CLSTN2: variants seen among roughly 807,000 people sequenced by gnomAD.
The protein encoded by CLSTN2 is calsyntenin 2, also known as calsyntenin-2.
A neutral mutation model predicts 101.2 loss-of-function variants in CLSTN2; 48 were observed. That is an observed-to-expected ratio of 0.47 (90% CI 0.38 to 0.60). The LOEUF is 0.60. Ranked by LOEUF, CLSTN2 falls within the 20% of genes least tolerant of loss-of-function variation. CLSTN2 has a pLI of 0.00. For missense variants in CLSTN2, 1,160 were observed against 1,238.2 expected (o/e 0.94, Z 0.95); for synonymous variants, 481 against 463.6 (o/e 1.04, Z -0.48).
chr3:140,015,828 C>T (rs2007189257), intron 1 of CLSTN2, among the ~76,000 whole-genome samples: 1 of 152,268 alleles, frequency 6.6e-6, no homozygotes, highest in East Asian at 1.9e-4. Context: ...CCGGAAAAAG[C>T]AGGCTGTCAG....
intron 8 of CLSTN2, among the ~76,000 whole-genome samples, chr3:140,467,184 C>T (rs760868574): frequency 3.3e-5 from 5 of 152,200 alleles, no homozygotes; most frequent in Non-Finnish European, 7.3e-5. Context: ...GCACCTTAGG[C>T]AGTGCATGCT....
chr3:140,563,222 G>C lies in CLSTN2; in HGVS notation c.2482+19G>C, dbSNP rs759016419. On this transcript the variant is annotated intron_variant, in intron 15 of 16. Coordinates refer to ENST00000458420, the MANE Select transcript of CLSTN2 (RefSeq NM_022131.3). ...AGTTCAGGTAGGGTGCCCAAGAGGA[G>C]GGACCCTCAGGACACAGGTCGTCAT... 1.2e-6 allele frequency: 2 copies of C among 1,612,184 alleles called. No homozygotes were observed. Among genetic ancestry groups the C allele is most frequent in the Admixed American group, 3.3e-5 (2 of 59,932 alleles).
chr3:140,511,729 T>TG (rs1576605856), intron 8 of CLSTN2, among the ~76,000 whole-genome samples: 1 of 150,868 alleles, frequency 6.6e-6, no homozygotes, highest in African/African-American at 2.4e-5. Flanking sequence ...TTTTTTTTTT[T>TG]TGTATTTTTA....
intron 1 of CLSTN2, among the ~76,000 whole-genome samples, chr3:140,079,533 T>C (rs549788275): frequency 6.6e-6 from 1 of 152,086 alleles, no homozygotes; most frequent in Non-Finnish European, 1.5e-5. Flanking sequence ...GGGCAGATCA[T>C]GAGGTCAGGA....
intron 2 of CLSTN2, among the ~76,000 whole-genome samples, chr3:140,309,310 G>A (rs2087143028): frequency 6.6e-6 from 1 of 152,120 alleles, no homozygotes; most frequent in Non-Finnish European, 1.5e-5. Flanking sequence ...GACCAGAGGT[G>A]GCAAGATGCT....
chr3:140,278,675 G>A (rs753793199), intron 2 of CLSTN2, among the ~76,000 whole-genome samples: 2 of 152,184 alleles, frequency 1.3e-5, no homozygotes, highest in Non-Finnish European at 2.9e-5. Context: ...GCAAGCTTGT[G>A]CAACTCGCAC....
chr3:140,391,214 A>C (rs1258250144), intron 2 of CLSTN2, among the ~76,000 whole-genome samples: 1 of 152,180 alleles, frequency 6.6e-6, no homozygotes, highest in Non-Finnish European at 1.5e-5. Flanking sequence ...TCAAAGTTTT[A>C]GCCTCCACGC....
At chr3:140,371,636 A>C (rs935900226) in intron 2 of CLSTN2, among the ~76,000 whole-genome samples, 4 of 152,284 alleles carry the variant, frequency 2.6e-5, no homozygotes, top group African/African-American at 7.2e-5. Flanking sequence ...TCACAGAAAG[A>C]CAGAGACGGA....
At chr3:140,280,495 T>A (rs1348876780) in intron 2 of CLSTN2, among the ~76,000 whole-genome samples, 2 of 152,152 alleles carry the variant, frequency 1.3e-5, no homozygotes, top group East Asian at 3.8e-4. Context: ...AGGAGAATTC[T>A]TCACACTTCG....
chr3:140,153,859 T>G, intron 1 of CLSTN2, among the ~76,000 whole-genome samples: 1 of 151,864 alleles, frequency 6.6e-6, no homozygotes, highest in Non-Finnish European at 1.5e-5. Context: ...CACAGCTGAG[T>G]CAGGAAGGGG....
chr3:140,451,638 G>A (rs897928359), intron 6 of CLSTN2, among the ~76,000 whole-genome samples: 1 of 152,168 alleles, frequency 6.6e-6, no homozygotes, highest in African/African-American at 2.4e-5. Context: ...CCGATCCTGG[G>A]GTCAGCTTCC....
chr3:140,105,924 GCCT>G (rs1313871494), intron 1 of CLSTN2, among the ~76,000 whole-genome samples: 1 of 152,140 alleles, frequency 6.6e-6, no homozygotes, highest in Admixed American at 6.5e-5. Flanking sequence ...CCTGAGTAAA[GCCT>G]CCTTCAATGT....
In CLSTN2 at chr3:140,005,243, C is replaced by A. The variant is rs149869833; in HGVS notation, c.109+69760C>A. Among the ~76,000 whole-genome samples the A allele has an allele frequency of 6.7e-4, 102 of 152,344 alleles. 1 individual carries two copies. Among genetic ancestry groups the A allele is most frequent in the African/African-American group, 2.3e-3 (94 of 41,580 alleles). On this transcript the variant is annotated intron_variant, in intron 1 of 16. Coordinates refer to ENST00000458420, the MANE Select transcript of CLSTN2 (RefSeq NM_022131.3). ...TATTCTCTAACACTCTGATGTCAGG[C>A]ATGGCCTCAGTCCTGAGCCACATCC...
At chr3:140,072,401 C>A (rs2008412539) in intron 1 of CLSTN2, among the ~76,000 whole-genome samples, 1 of 152,020 alleles carries the variant, frequency 6.6e-6, no homozygotes, top group African/African-American at 2.4e-5. Context: ...CCTTATAGTT[C>A]TTCTATAAAT....
At chr3:140,470,863 T>C (rs12629444) in intron 8 of CLSTN2, among the ~76,000 whole-genome samples, 12,217 of 152,214 alleles carry the variant, frequency 0.08, 642 homozygotes, top group East Asian at 0.12. Flanking sequence ...GTTTGAACAG[T>C]GGCTCTTCAT....
chr3:140,255,656 G>A (rs976724257), intron 2 of CLSTN2, among the ~76,000 whole-genome samples: 3 of 152,062 alleles, frequency 2.0e-5, no homozygotes, highest in Non-Finnish European at 2.9e-5. Flanking sequence ...TTGGGTATTA[G>A]GCTATTATCT....
intron 2 of CLSTN2, among the ~76,000 whole-genome samples, chr3:140,313,607 G>C (rs913264607): frequency 1.6e-4 from 25 of 152,158 alleles, no homozygotes; most frequent in African/African-American, 6.0e-4. Context: ...TGTAGCAAAG[G>C]GGCATAATGA....
At chr3:140,318,979 G>A (rs995124454) in intron 2 of CLSTN2, among the ~76,000 whole-genome samples, 1 of 152,150 alleles carries the variant, frequency 6.6e-6, no homozygotes, top group Admixed American at 6.5e-5. Context: ...ATATTACTGT[G>A]AGAATCCATA....
intron 1 of CLSTN2, among the ~76,000 whole-genome samples, chr3:140,046,368 G>A (rs374902932): frequency 2.6e-5 from 4 of 152,020 alleles, no homozygotes; most frequent in Admixed American, 6.5e-5. Flanking sequence ...TTTGCTTGGT[G>A]GATCTTCCTC....
Sources: allele counts gnomAD v4.1 joint callset (sites outside exome capture counted in the v4.1 genomes callset), GRCh38; gene constraint gnomAD v4.1.1; transcripts MANE v1.5; gene names NCBI Gene and HGNC (gene_info 2026-07-23, HGNC 2026-07-21).